The following ANO3 variants were observed in gnomAD, a reference collection of about 807,000 sequenced individuals.
The protein encoded by ANO3 is anoctamin 3.
Under a neutral mutation model 144.8 loss-of-function variants are expected in ANO3, and 99 were observed. That is an observed-to-expected ratio of 0.68 (90% CI 0.58 to 0.81). The LOEUF is 0.81. Ranked by LOEUF, ANO3 falls within the 30% of genes least tolerant of loss-of-function variation. The pLI is 0.00. For missense variants in ANO3, 905 were observed against 1,202.2 expected (o/e 0.75, Z 3.66); for synonymous variants, 414 against 392.6 (o/e 1.05, Z -0.64).
intron 1 of ANO3, among the ~76,000 whole-genome samples, chr11:26,229,344 A>T (rs992063601): frequency 2.0e-5 from 3 of 152,242 alleles, no homozygotes; most frequent in Non-Finnish European, 4.4e-5. Flanking sequence ...TGATGCGTAG[A>T]TCTGCCATTT....
chr11:26,622,698 G>A (rs1227915971), intron 17 of ANO3, among the ~76,000 whole-genome samples: 1 of 152,184 alleles, frequency 6.6e-6, no homozygotes, highest in African/African-American at 2.4e-5. Flanking sequence ...TCCTGACTTT[G>A]CTACTTGCTC....
chr11:26,407,667 C>T (rs1857324006), intron 1 of ANO3, among the ~76,000 whole-genome samples: 1 of 151,792 alleles, frequency 6.6e-6, no homozygotes, highest in Non-Finnish European at 1.5e-5. Context: ...GAGCGATACC[C>T]TTAAATACGA....
chr11:26,447,031 G>A (rs72886282), intron 3 of ANO3, among the ~76,000 whole-genome samples: 7,889 of 152,018 alleles, frequency 0.052, 245 homozygotes, highest in African/African-American at 0.079. Context: ...GCAAAGTGGT[G>A]AGACCCTGTT....
intron 1 of ANO3, among the ~76,000 whole-genome samples, chr11:26,407,994 C>A (rs1294142385): frequency 3.3e-5 from 5 of 151,878 alleles, no homozygotes; most frequent in African/African-American, 7.3e-5. Flanking sequence ...TAAAGACTTA[C>A]ATGTTAGACC....
intron 1 of ANO3, among the ~76,000 whole-genome samples, chr11:26,322,101 C>A (rs1321399088): frequency 6.6e-6 from 1 of 152,034 alleles, no homozygotes; most frequent in Non-Finnish European, 1.5e-5. Context: ...AACTATGAAT[C>A]TTTCCTTCAG....
chr11:26,448,299 CAAA>C (rs11401959), intron 3 of ANO3, among the ~76,000 whole-genome samples: 3 of 132,494 alleles, frequency 2.3e-5, no homozygotes, highest in Non-Finnish European at 3.2e-5. Flanking sequence ...AACTCCGTCT[CAAA>C]AAAAAAAAAA....
intron 4 of ANO3, among the ~76,000 whole-genome samples, chr11:26,476,657 C>T (rs773786939): frequency 7.2e-5 from 11 of 152,000 alleles, no homozygotes; most frequent in South Asian, 2.1e-4. Context: ...GAAACAATGT[C>T]GGAGGTGGGG....
At chr11:26,524,470 A>G (rs1849112205) in intron 6 of ANO3, among the ~76,000 whole-genome samples, 2 of 152,268 alleles carry the variant, frequency 1.3e-5, no homozygotes, top group Middle Eastern at 3.4e-3. Context: ...AGCTAATAAC[A>G]TACTTAGGGC....
At chr11:26,427,796 C>T (rs1194453610) in intron 1 of ANO3, among the ~76,000 whole-genome samples, 1 of 152,102 alleles carries the variant, frequency 6.6e-6, no homozygotes, top group Non-Finnish European at 1.5e-5. Flanking sequence ...GGGGAGGCCT[C>T]AGGAAACTTT....
chr11:26,282,554 GA>G (rs1197001742), intron 1 of ANO3, among the ~76,000 whole-genome samples: 1 of 152,018 alleles, frequency 6.6e-6, no homozygotes, highest in Non-Finnish European at 1.5e-5. Context: ...TAAAAGATAA[GA>G]TTTTTTTAAT....
At chr11:26,481,633 C>T (rs1860220920) in intron 4 of ANO3, among the ~76,000 whole-genome samples, 1 of 152,006 alleles carries the variant, frequency 6.6e-6, no homozygotes, top group South Asian at 2.1e-4. Context: ...AGGATGGAGC[C>T]TATTGATAAA....
At chr11:26,642,342 C>CTTTTTTTTTTT (rs576729432) in intron 22 of ANO3, among the ~76,000 whole-genome samples, 2 of 93,060 alleles carry the variant, frequency 2.1e-5, no homozygotes, top group African/African-American at 8.4e-5. Flanking sequence ...TTCTTTCTTT[C>CTTTTTTTTTTT]TTTTTTTTTT....
At chr11:26,578,904 G>A (rs1436870343) in intron 14 of ANO3, among the ~76,000 whole-genome samples, 4 of 152,154 alleles carry the variant, frequency 2.6e-5, no homozygotes, top group Non-Finnish European at 5.9e-5. Context: ...GTGATATTCT[G>A]TTTTGTGGAG....
At chr11:26,569,802 T>C (rs762691682) in intron 14 of ANO3, among the ~76,000 whole-genome samples, 3 of 152,102 alleles carry the variant, frequency 2.0e-5, no homozygotes, top group Non-Finnish European at 4.4e-5. Flanking sequence ...TTATGGATGG[T>C]ATCCCTGAGT....
At chr11:26,390,264 A>G (rs1022269601) in intron 1 of ANO3, among the ~76,000 whole-genome samples, 9 of 152,056 alleles carry the variant, frequency 5.9e-5, no homozygotes, top group Admixed American at 3.9e-4. Flanking sequence ...TTTGTATTGG[A>G]TAGATATTAA....
chr11:26,522,737 C>T (rs1862132055), intron 6 of ANO3, among the ~76,000 whole-genome samples: 1 of 151,886 alleles, frequency 6.6e-6, no homozygotes, highest in African/African-American at 2.4e-5. Flanking sequence ...ACAAAATTTC[C>T]CCCACCCAGA....
chr11:26,189,688 C>T (rs1851439075), intron 1 of ANO3, among the ~76,000 whole-genome samples: 2 of 152,104 alleles, frequency 1.3e-5, no homozygotes, highest in South Asian at 4.1e-4. Flanking sequence ...GCAAAGAAAA[C>T]ACTTGCCATT....
chr11:26,244,658 C>G (rs1852742904), intron 1 of ANO3, among the ~76,000 whole-genome samples: 1 of 152,118 alleles, frequency 6.6e-6, no homozygotes, highest in South Asian at 2.1e-4. Flanking sequence ...GACCAAAATG[C>G]ATCACTAGTT....
chr11:26,519,531 G>C (rs1010634948), intron 6 of ANO3, among the ~76,000 whole-genome samples: 2 of 152,184 alleles, frequency 1.3e-5, no homozygotes, highest in Non-Finnish European at 2.9e-5. Context: ...ACATTTACTT[G>C]TCACAGTTCT....
Sources: gnomAD v4.1 joint callset for allele counts (sites outside exome capture counted in the v4.1 genomes callset) on GRCh38, gnomAD v4.1.1 for gene constraint, MANE v1.5 for transcripts, NCBI Gene and HGNC (gene_info 2026-07-23, HGNC 2026-07-21) for gene names.